The following GLIS1 variants were observed in gnomAD, a reference collection of about 807,000 sequenced individuals.
GLIS1 encodes GLIS family zinc finger 1.
GLIS1 carries 24 observed loss-of-function variants against 63.8 expected under a neutral mutation model. The observed-to-expected ratio is 0.38, with a 90% CI of 0.27 to 0.53. GLIS1 has a LOEUF of 0.53. GLIS1 is among the 20% of genes least tolerant of loss of function. GLIS1 has a pLI of 0.85. For synonymous variants in GLIS1, 450 were observed against 482.5 expected (o/e 0.93, Z 0.88); for missense variants, 1,036 against 1,074.1 (o/e 0.96, Z 0.50).
intron 7 of GLIS1, among the ~76,000 whole-genome samples, chr1:53,519,850 G>A (rs1210517140): frequency 6.6e-6 from 1 of 152,258 alleles, no homozygotes; most frequent in Non-Finnish European, 1.5e-5. Context: ...TGGAGCAGGA[G>A]TCAAGGCCAG....
At chr1:53,627,068 G>C (rs556488983) in intron 2 of GLIS1, among the ~76,000 whole-genome samples, 1 of 152,154 alleles carries the variant, frequency 6.6e-6, no homozygotes, top group Non-Finnish European at 1.5e-5. Context: ...CTAGGCCCTC[G>C]TTCCGGGTCC....
intron 2 of GLIS1, among the ~76,000 whole-genome samples, chr1:53,715,563 G>C (rs1164788026): frequency 6.6e-6 from 1 of 152,208 alleles, no homozygotes; most frequent in Non-Finnish European, 1.5e-5. Flanking sequence ...AGAACACAGA[G>C]AGGCAAGGGT....
Position 53,514,649 on chromosome 1 carries a change from G to A in GLIS1, c.1859C>T (p.Pro620Leu). The A allele has an allele frequency of 1.2e-6, 2 of 1,613,780 alleles. No homozygotes were observed. Among genetic ancestry groups the A allele is most frequent in the Middle Eastern group, 3.3e-4 (2 of 6,046 alleles). Residue 620 changes from proline (P) to leucine (L), a missense_variant, in exon 8 of 11, where the codon CCC (proline) becomes CTC (leucine). By Grantham distance (98) the Pro-to-Leu change is moderately conservative. Around this residue, in one of 3 missense-constraint regions of GLIS1, gnomAD observed 400 missense variants for 400.9 expected, o/e 1.00. Transcript: ENST00000628545. ...CCCATCCCGGGTGCTCTCAGCCATGGGCAGAGGGGACAGATGGTGGTGGGA... is the reference window on the plus strand; with the variant it reads ...CCCATCCCGGGTGCTCTCAGCCATGAGCAGAGGGGACAGATGGTGGTGGGA... ...TSSHHHLSPL[P>L]MAESTRDGLG...
At chr1:53,636,928 G>A (rs573523918) in intron 2 of GLIS1, among the ~76,000 whole-genome samples, 8 of 152,292 alleles carry the variant, frequency 5.3e-5, no homozygotes, top group Non-Finnish European at 7.4e-5. Flanking sequence ...CCTTCTGTTC[G>A]TGGGCAGGAC....
At chr1:53,597,460 C>A (rs1035138795) in intron 3 of GLIS1, among the ~76,000 whole-genome samples, 6 of 151,782 alleles carry the variant, frequency 4.0e-5, no homozygotes, top group African/African-American at 1.5e-4. Context: ...TCTGGGCCTC[C>A]TGGGACCATG....
At chr1:53,647,993 GAAACTCCATTGCTACAAAA>G (rs1645864924) in intron 2 of GLIS1, among the ~76,000 whole-genome samples, 1 of 152,046 alleles carries the variant, frequency 6.6e-6, no homozygotes, top group African/African-American at 2.4e-5. Flanking sequence ...TCAACATGAT[GAAACTCCATTGCTACAAAA>G]AAACAAAAAA....
intron 4 of GLIS1, among the ~76,000 whole-genome samples, chr1:53,583,748 C>T (rs998643927): frequency 1.3e-5 from 2 of 152,296 alleles, no homozygotes; most frequent in East Asian, 1.9e-4. Context: ...GAGGAGGGGC[C>T]GGGAAAGTCG....
intron 2 of GLIS1, among the ~76,000 whole-genome samples, chr1:53,712,109 A>G (rs1441100010): frequency 6.6e-6 from 1 of 152,148 alleles, no homozygotes; most frequent in Non-Finnish European, 1.5e-5. Flanking sequence ...TCCAGTTTTC[A>G]TTCTGGCCCA....
At chr1:53,509,069 G>A (rs1644267616) in intron 10 of GLIS1, 51 bp downstream of exon 10, 1 of 1,494,436 alleles carries the variant, frequency 6.7e-7, no homozygotes, top group African/African-American at 1.4e-5. Context: ...CCAGCACTGG[G>A]TTGAGCCTCG....
chr1:53,673,015 G>T (rs539221914), intron 2 of GLIS1, among the ~76,000 whole-genome samples: 2 of 152,138 alleles, frequency 1.3e-5, no homozygotes, highest in East Asian at 3.9e-4. Context: ...CTCCAGTGTC[G>T]GGTACATTAC....
chr1:53,558,476 C>T (rs763718497), intron 4 of GLIS1, among the ~76,000 whole-genome samples: 1 of 152,194 alleles, frequency 6.6e-6, no homozygotes, highest in South Asian at 2.1e-4. Context: ...CCCTATACTC[C>T]ACCCCAGCAG....
At position 53,542,669 on chromosome 1, in the gene GLIS1, G is replaced by A. The variant is rs1414929996; in HGVS notation, c.1321-12717C>T. Among the ~76,000 whole-genome samples, 7 of 152,244 alleles carry A rather than the reference G, an allele frequency of 4.6e-5. 1 individual carries two copies. Among genetic ancestry groups the A allele is most frequent in the African/African-American group, 9.6e-5 (4 of 41,468 alleles). ...GGACAGGGACATTGGAGGGAAGCCA[G>A]ACGCATGTACATGGCATGGGTCCCT... is the stretch of plus-strand genomic sequence containing the variant. On this transcript the variant is annotated intron_variant, in intron 4 of 10. Transcript: ENST00000628545.
chr1:53,530,071 C>A, intron 4 of GLIS1, 119 bp from the exon 5 acceptor site: 2 of 886,286 alleles, frequency 2.3e-6, no homozygotes, highest in Non-Finnish European at 3.4e-6. Context: ...CCTGCTGGAG[C>A]CTCTGAGAGC....
At chr1:53,653,277 C>T (rs184548012) in intron 2 of GLIS1, among the ~76,000 whole-genome samples, 147 of 152,332 alleles carry the variant, frequency 9.6e-4, no homozygotes, top group African/African-American at 2.4e-3. Context: ...TGGGGACAAA[C>T]GAATGAATGA....
intron 4 of GLIS1, among the ~76,000 whole-genome samples, chr1:53,573,291 C>A (rs1645000957): frequency 6.6e-6 from 1 of 152,174 alleles, no homozygotes; most frequent in South Asian, 2.1e-4. Context: ...TGGTACAGAG[C>A]TGAAACCTAT....
chr1:53,647,342 C>G (rs960753508), intron 2 of GLIS1, among the ~76,000 whole-genome samples: 1 of 151,970 alleles, frequency 6.6e-6, no homozygotes, highest in African/African-American at 2.4e-5. Flanking sequence ...GAAACTGGCA[C>G]AAAGATAAAC....
intron 4 of GLIS1, among the ~76,000 whole-genome samples, chr1:53,531,759 C>A (rs1429049625): frequency 6.6e-6 from 1 of 152,202 alleles, no homozygotes; most frequent in African/African-American, 2.4e-5. Flanking sequence ...CTGTGGGCCG[C>A]GAGCTGCTTC....
intron 2 of GLIS1, among the ~76,000 whole-genome samples, chr1:53,612,790 G>A (rs1489302648): frequency 6.7e-6 from 1 of 150,338 alleles, no homozygotes; most frequent in Non-Finnish European, 1.5e-5. Context: ...GGTCCCTCAA[G>A]TCCTAGCTGT....
intron 4 of GLIS1, among the ~76,000 whole-genome samples, chr1:53,561,349 T>C (rs1644890540): frequency 6.6e-6 from 1 of 152,214 alleles, no homozygotes; most frequent in African/African-American, 2.4e-5. Context: ...AAAGTCTGCA[T>C]AATCCTGGAA....
Sources: gnomAD v4.1 joint callset for allele counts (sites outside exome capture counted in the v4.1 genomes callset) on GRCh38, gnomAD v4.1.1 for gene constraint, gnomAD v4.1.1 regional missense constraint, MANE v1.5 for transcripts, NCBI Gene and HGNC (gene_info 2026-07-23, HGNC 2026-07-21) for gene names.